IMMP2L: variants seen among roughly 807,000 people sequenced by gnomAD.
IMMP2L encodes inner mitochondrial membrane peptidase subunit 2, also known as mitochondrial inner membrane protease subunit 2.
A neutral mutation model predicts 19.3 loss-of-function variants in IMMP2L; 18 were observed. The ratio of observed to expected loss-of-function variants is 0.93; its 90% CI spans 0.64 to 1.38. The LOEUF is 1.38. Ranked by LOEUF, IMMP2L falls within the 40% of genes most tolerant of loss-of-function variation. IMMP2L has a pLI of 0.00. For synonymous variants in IMMP2L, 76 were observed against 73.0 expected, an observed-to-expected ratio of 1.04 and a Z score of -0.21; for missense variants, 233 against 218.2, an observed-to-expected ratio of 1.07 and a Z score of -0.43.
At chr7:110,673,677 C>A (rs1412821560) in intron 5 of IMMP2L, among the ~76,000 whole-genome samples, 1 of 152,192 alleles carries the variant, frequency 6.6e-6, no homozygotes, top group Non-Finnish European at 1.5e-5. Context: ...AAAATGCCAC[C>A]AGTCTCTTTG....
At chr7:111,175,632 T>C (rs1806967598) in intron 3 of IMMP2L, among the ~76,000 whole-genome samples, 1 of 151,702 alleles carries the variant, frequency 6.6e-6, no homozygotes, top group Non-Finnish European at 1.5e-5. Flanking sequence ...CAAATCAAAA[T>C]GGATTAAAGA....
At chr7:110,904,824 G>A (rs187893524) in intron 4 of IMMP2L, among the ~76,000 whole-genome samples, 6 of 152,266 alleles carry the variant, frequency 3.9e-5, no homozygotes, top group East Asian at 1.9e-4. Context: ...AGAGAGGCCT[G>A]TTTTACTTCT....
At chr7:111,034,784 A>C (rs1338914699) in intron 3 of IMMP2L, among the ~76,000 whole-genome samples, 1 of 152,148 alleles carries the variant, frequency 6.6e-6, no homozygotes. Context: ...TCCTCTCAGA[A>C]ACTTATCTAC....
At chr7:110,763,882 T>A (rs1798497687) in intron 5 of IMMP2L, among the ~76,000 whole-genome samples, 1 of 152,162 alleles carries the variant, frequency 6.6e-6, no homozygotes, top group African/African-American at 2.4e-5. Flanking sequence ...ATATAATTTG[T>A]TCTTCCAATC....
At chr7:111,196,570 A>G (rs1809527622) in intron 3 of IMMP2L, among the ~76,000 whole-genome samples, 1 of 152,218 alleles carries the variant, frequency 6.6e-6, no homozygotes, top group African/African-American at 2.4e-5. Flanking sequence ...TTAAAAAACT[A>G]TTTAGTTAAT....
intron 4 of IMMP2L, among the ~76,000 whole-genome samples, chr7:110,935,555 T>A (rs749180249): frequency 6.6e-6 from 1 of 152,112 alleles, no homozygotes; most frequent in Non-Finnish European, 1.5e-5. Flanking sequence ...TCTTGCTAGG[T>A]TGGGGAAGTT....
chr7:111,560,269 A>G (rs1487394979), intron 1 of IMMP2L, among the ~76,000 whole-genome samples: 1 of 152,160 alleles, frequency 6.6e-6, no homozygotes, highest in Admixed American at 6.5e-5. Flanking sequence ...TTATAACCAG[A>G]AAAAGACAAA....
chr7:111,241,375 A>C (rs1263597150), intron 3 of IMMP2L, among the ~76,000 whole-genome samples: 1 of 152,014 alleles, frequency 6.6e-6, no homozygotes, highest in African/African-American at 2.4e-5. Flanking sequence ...CTTTGTAAAA[A>C]TTTTATTCTT....
At chr7:110,942,652 G>A (rs957083446) in intron 4 of IMMP2L, among the ~76,000 whole-genome samples, 6 of 151,784 alleles carry the variant, frequency 4.0e-5, no homozygotes, top group African/African-American at 1.4e-4. Context: ...TGGGTAGACT[G>A]AAAATTGTCT....
At chr7:111,154,148 A>G (rs1804381143) in intron 3 of IMMP2L, among the ~76,000 whole-genome samples, 1 of 152,136 alleles carries the variant, frequency 6.6e-6, no homozygotes, top group Non-Finnish European at 1.5e-5. Context: ...AAATTAAAGA[A>G]GTATATGCTC....
chr7:111,318,660 G>T (rs569335324), intron 3 of IMMP2L, among the ~76,000 whole-genome samples: 1 of 152,122 alleles, frequency 6.6e-6, no homozygotes, highest in East Asian at 1.9e-4. Flanking sequence ...TGATATCCTA[G>T]AAGACAGCAC....
intron 3 of IMMP2L, among the ~76,000 whole-genome samples, chr7:111,157,629 T>C (rs1001460657): frequency 1.3e-5 from 2 of 152,040 alleles, no homozygotes; most frequent in African/African-American, 4.8e-5. Context: ...AAAAATATGG[T>C]TTGATAGAAT....
At chr7:110,749,137 A>G (rs551754882) in intron 5 of IMMP2L, among the ~76,000 whole-genome samples, 1 of 152,328 alleles carries the variant, frequency 6.6e-6, no homozygotes, top group South Asian at 2.1e-4. Context: ...CAACAAACAT[A>G]TGAAACAGAG....
chr7:111,553,981 TGGCCTTAGAGAA>T (rs1357578652), intron 1 of IMMP2L, among the ~76,000 whole-genome samples: 1 of 152,198 alleles, frequency 6.6e-6, no homozygotes, highest in Admixed American at 6.5e-5. Flanking sequence ...TTTTCAATGA[TGGCCTTAGAGAA>T]GTCTCAGTAA....
At chr7:111,192,368 G>A (rs1808981705) in intron 3 of IMMP2L, among the ~76,000 whole-genome samples, 1 of 152,046 alleles carries the variant, frequency 6.6e-6, no homozygotes, top group South Asian at 2.1e-4. Flanking sequence ...AATATCATGT[G>A]TCAATTAGTT....
intron 4 of IMMP2L, among the ~76,000 whole-genome samples, chr7:110,902,007 A>G (rs539817623): frequency 6.6e-6 from 1 of 152,108 alleles, no homozygotes; most frequent in Non-Finnish European, 1.5e-5. Flanking sequence ...ACATTATTGA[A>G]AGACACAGTA....
chr7:111,485,873 T>C (rs1266299787), intron 3 of IMMP2L, among the ~76,000 whole-genome samples: 7 of 152,018 alleles, frequency 4.6e-5, no homozygotes, highest in Admixed American at 1.3e-4. Flanking sequence ...ATAGTCAGCA[T>C]GTTTCTCACG....
At chr7:110,769,212 T>C (rs565098463) in intron 5 of IMMP2L, among the ~76,000 whole-genome samples, 7 of 152,192 alleles carry the variant, frequency 4.6e-5, no homozygotes, top group Non-Finnish European at 1.0e-4. Flanking sequence ...CTGCCTAGAA[T>C]TGTATTTGTT....
chr7:110,805,504 TTAAA>T (rs1283428288), intron 5 of IMMP2L, among the ~76,000 whole-genome samples: 1 of 152,056 alleles, frequency 6.6e-6, no homozygotes, highest in Non-Finnish European at 1.5e-5. Flanking sequence ...GCACCTATCT[TTAAA>T]TACGTTAAAT....
Sources: allele counts gnomAD v4.1 joint callset (sites outside exome capture counted in the v4.1 genomes callset), GRCh38; gene constraint gnomAD v4.1.1; transcripts MANE v1.5; gene names NCBI Gene and HGNC (gene_info 2026-07-23, HGNC 2026-07-21).